The following KIRREL1 variants were observed in gnomAD, a reference collection of about 807,000 sequenced individuals.
KIRREL1 encodes kirre like nephrin family adhesion molecule 1, also known as kin of IRRE-like protein 1.
Under a neutral mutation model 83.3 loss-of-function variants are expected in KIRREL1, and 25 were observed. The ratio of observed to expected loss-of-function variants is 0.30; its 90% CI spans 0.22 to 0.42. KIRREL1 has a LOEUF of 0.42. Ranked by LOEUF, KIRREL1 falls within the 10% of genes least tolerant of loss-of-function variation. The pLI is 1.00. For synonymous variants in KIRREL1, 388 were observed against 410.4 expected (o/e 0.95, Z 0.66); for missense variants, 812 against 1,032.3 (o/e 0.79, Z 2.92).
chr1:158,094,885 G>A lies in KIRREL1; in HGVS notation c.2039G>A (p.Ser680Asn). 6.2e-7 allele frequency: 1 copy of A among 1,614,050 alleles called. No individual in the cohort carries two copies. ...PAAPAGTDTT[S>N]QLSYENYEKF... ...GCCCCAGCTGGCACTGACACAACCAGCCAGCTGTCCTACGAGAACTATGAG... is the reference window on the plus strand; with the variant it reads ...GCCCCAGCTGGCACTGACACAACCAACCAGCTGTCCTACGAGAACTATGAG... Residue 680 changes from serine to asparagine, a missense_variant, in exon 15 of 15, where the codon AGC becomes AAC. Physicochemically the swap from Ser to Asn is conservative, Grantham distance 46. Around this residue, in one of 3 missense-constraint regions of KIRREL1, gnomAD observed 334 missense variants for 383.7 expected, o/e 0.87. Coordinates refer to ENST00000359209, the MANE Select transcript of KIRREL1 (RefSeq NM_018240.7). This position sits in a 1 kb window ranked among gnomAD's most constrained non-coding sequence, Gnocchi z 4.6.
At chr1:158,063,857 C>T (rs371297029) in intron 1 of KIRREL1, among the ~76,000 whole-genome samples, 1 of 152,204 alleles carries the variant, frequency 6.6e-6, no homozygotes, top group Admixed American at 6.5e-5. Flanking sequence ...CCCATCATGG[C>T]CGCTGTCGCA....
chr1:158,093,479 C>T (rs777599347), intron 12 of KIRREL1, 33 bp downstream of exon 12: 2 of 1,606,072 alleles, frequency 1.2e-6, no homozygotes, highest in Non-Finnish European at 1.7e-6. Flanking sequence ...CCACAGCCTT[C>T]CCCTGGCTCT....
In KIRREL1 at chr1:158,093,669, A is replaced by G. The variant is rs1217977252; in HGVS notation, c.1626A>G (p.Thr542=). Residue 542 remains threonine (T), a synonymous_variant, in exon 13 of 15, where the codon ACA becomes ACG. Transcript: ENST00000359209. ...TLRKLDIKVE[T]VNREPLTMHS... The stretch of plus-strand genomic sequence containing the variant: ...GGAAGCTGGATATCAAGGTGGAGAC[A>G]GTGAACCGAGAGCCACTTACGATGC... 8 of 1,614,090 alleles carry G rather than the reference A, an allele frequency of 5.0e-6. No homozygotes were observed. Among genetic ancestry groups the G allele is most frequent in the Non-Finnish European group, 6.8e-6 (8 of 1,180,040 alleles).
At chr1:158,091,814 C>T (rs754658557) in intron 11 of KIRREL1, among the ~76,000 whole-genome samples, 16 of 152,226 alleles carry the variant, frequency 1.1e-4, no homozygotes, top group Admixed American at 3.9e-4. Flanking sequence ...AGAACCTGGC[C>T]TCCATGCTCA....
chr1:158,077,398 G>A (rs1221781358), intron 2 of KIRREL1, among the ~76,000 whole-genome samples: 1 of 152,180 alleles, frequency 6.6e-6, no homozygotes. Context: ...TGTGAGGGGA[G>A]GCTGGGAAGC....
chr1:158,090,745 G>A (rs563922863), intron 10 of KIRREL1, among the ~76,000 whole-genome samples: 4 of 152,322 alleles, frequency 2.6e-5, no homozygotes, highest in East Asian at 1.9e-4. Context: ...CAGGCAGGTC[G>A]TGTGGGTTGG....
At chr1:158,072,385 C>T (rs939125164) in intron 1 of KIRREL1, among the ~76,000 whole-genome samples, 10 of 152,132 alleles carry the variant, frequency 6.6e-5, no homozygotes, top group Non-Finnish European at 1.5e-4. Flanking sequence ...GGCAGCAGGC[C>T]CTGCACCTGG....
At chr1:158,086,315 G>T (rs1285491360) in intron 4 of KIRREL1, among the ~76,000 whole-genome samples, 1 of 152,100 alleles carries the variant, frequency 6.6e-6, no homozygotes, top group African/African-American at 2.4e-5. Flanking sequence ...GAAGGCTCAG[G>T]CAGGAGGATT....
intron 1 of KIRREL1, among the ~76,000 whole-genome samples, chr1:158,037,057 A>G (rs1232673033): frequency 6.6e-6 from 1 of 152,148 alleles, no homozygotes. Context: ...TGTTAAAGAA[A>G]TCCCAGAGGC....
At chr1:157,995,801 G>A (rs910029575) in intron 1 of KIRREL1, among the ~76,000 whole-genome samples, 2 of 152,058 alleles carry the variant, frequency 1.3e-5, no homozygotes, top group African/African-American at 2.4e-5. Flanking sequence ...CTGGGGTTGG[G>A]GGAGAGGATA....
chr1:158,089,831 C>G lies in KIRREL1; in HGVS notation c.1272+13C>G, dbSNP rs367592663. On this transcript the variant is annotated intron_variant, in intron 10 of 14. Coordinates refer to ENST00000359209, the MANE Select transcript of KIRREL1 (RefSeq NM_018240.7). The stretch of plus-strand genomic sequence containing the variant: ...CCCAGACCGCATAGTGAGTGGCGGA[C>G]CTGCCTGCGGACAGCCAGCCCTCCC... The G allele has an allele frequency of 9.9e-6, 16 of 1,611,276 alleles. No individual in the cohort carries two copies. The East Asian group carries it at 3.1e-4, about 31-fold the overall frequency.
chr1:158,095,328 C>T lies in KIRREL1; in HGVS notation c.*208C>T. On this transcript the variant is annotated 3_prime_UTR_variant, in exon 15 of 15. Transcript: ENST00000359209. Reference sequence around the variant, plus strand: ...CCCCAGCCTCCTGGGCCTGCCCTTCCCTCTTCTTCGGGAGGATGTGTCTCT... The same window carrying T: ...CCCCAGCCTCCTGGGCCTGCCCTTCTCTCTTCTTCGGGAGGATGTGTCTCT... 1 of 540,718 alleles carries T rather than the reference C, an allele frequency of 1.8e-6. No individual in the cohort carries two copies. The highest frequency in any genetic ancestry group is 3.3e-6 in the Non-Finnish European group (1 of 305,888). The allele number at this position is 540,718 out of a possible 1,614,324, so 33.5% of individuals were successfully genotyped here. A position where few individuals can be genotyped will look rare whatever the true frequency, so the allele number is the denominator to read the frequency against.
At chr1:158,042,931 C>CA (rs1439453209) in intron 1 of KIRREL1, among the ~76,000 whole-genome samples, 13 of 109,798 alleles carry the variant, frequency 1.2e-4, no homozygotes, top group Non-Finnish European at 2.2e-4. Flanking sequence ...AAAAAAAATA[C>CA]AAAAAAATTA....
rs1202923263 is a variant in KIRREL1 at position 158,089,702 on chromosome 1, GTCT to G, written c.1172-11_1172-9del. ...CAGTTTTTAACTGGTTCTGACTTGT[GTCT>G]TCTTGCTTGCAGGGCCCCCCATCAT... On this transcript the variant is annotated splice_polypyrimidine_tract_variant and intron_variant, in intron 9 of 14. Transcript: ENST00000359209. The G allele has an allele frequency of 1.2e-6, 2 of 1,614,178 alleles. No individual in the cohort carries two copies. The highest frequency in any genetic ancestry group is 3.3e-5 in the Admixed American group (2 of 60,032).
rs1339124951 is a variant in KIRREL1 at position 158,098,781 on chromosome 1, G to A, written c.*3661G>A. On this transcript the variant is annotated 3_prime_UTR_variant, in exon 15 of 15. Transcript: ENST00000359209. ...TGGAATGAAAACATCTGAGCACCCT[G>A]TCTTCAAGCGGTACGCTCTCCCCTT... 1 of 152,204 alleles carries A rather than the reference G, an allele frequency of 6.6e-6. No homozygotes were observed. Among genetic ancestry groups the A allele is most frequent in the Non-Finnish European group, 1.5e-5 (1 of 68,052 alleles). The allele number at this position is 152,204 out of a possible 1,614,324, so 9.4% of individuals were successfully genotyped here. A position where few individuals can be genotyped will look rare whatever the true frequency, so the allele number is the denominator to read the frequency against.
intron 1 of KIRREL1, among the ~76,000 whole-genome samples, chr1:158,035,297 G>T (rs557435713): frequency 6.6e-6 from 1 of 152,326 alleles, no homozygotes; most frequent in East Asian, 1.9e-4. Flanking sequence ...GAGAAGTGAG[G>T]TCCAGATGCT....
chr1:158,043,405 G>A (rs552978514), intron 1 of KIRREL1, among the ~76,000 whole-genome samples: 7 of 152,112 alleles, frequency 4.6e-5, no homozygotes, highest in South Asian at 2.1e-4. Flanking sequence ...CTCTTGGCCC[G>A]GCTGCACGCC....
intron 1 of KIRREL1, among the ~76,000 whole-genome samples, chr1:158,057,123 G>C (rs1309740954): frequency 6.6e-6 from 1 of 152,162 alleles, no homozygotes; most frequent in Non-Finnish European, 1.5e-5. Flanking sequence ...GCCTTTGGGG[G>C]CTCTCAGGAG....
chr1:158,083,398 C>T (rs745708146), intron 3 of KIRREL1, among the ~76,000 whole-genome samples: 1 of 152,226 alleles, frequency 6.6e-6, no homozygotes, highest in Non-Finnish European at 1.5e-5. Flanking sequence ...AAGCCTTGTG[C>T]ATCAACTGGG....
Sources: allele counts gnomAD v4.1 joint callset (sites outside exome capture counted in the v4.1 genomes callset), GRCh38; gene constraint gnomAD v4.1.1; regional missense constraint gnomAD v4.1.1; non-coding constraint Gnocchi (gnomAD v3.1); transcripts MANE v1.5; gene names NCBI Gene and HGNC (gene_info 2026-07-23, HGNC 2026-07-21).